AGBL1: variants seen among roughly 807,000 people sequenced by gnomAD.
AGBL1 encodes AGBL carboxypeptidase 1.
A neutral mutation model predicts 118.9 loss-of-function variants in AGBL1; 130 were observed. The ratio of observed to expected loss-of-function variants is 1.09; its 90% CI spans 0.95 to 1.26. AGBL1 has a LOEUF of 1.26. Among genes scored for constraint, AGBL1 ranks in the 50% most tolerant of loss-of-function variants. The pLI is 0.00. For synonymous variants in AGBL1, 555 were observed against 478.9 expected (o/e 1.16, Z -2.08); for missense variants, 1,584 against 1,298.1 (o/e 1.22, Z -3.38).
chr15:86,281,456 C>T (rs757449939), intron 16 of AGBL1, among the ~76,000 whole-genome samples: 3 of 152,198 alleles, frequency 2.0e-5, no homozygotes, highest in Non-Finnish European at 4.4e-5. Flanking sequence ...TTTTAAAATA[C>T]GTGTTATGTG....
chr15:86,347,304 C>T (rs996834074), intron 17 of AGBL1, among the ~76,000 whole-genome samples: 1 of 152,164 alleles, frequency 6.6e-6, no homozygotes, highest in South Asian at 2.1e-4. Context: ...TAGAAAGTCC[C>T]AGGTGGCAAT....
chr15:86,950,802 T>C (rs534364806), intron 23 of AGBL1, among the ~76,000 whole-genome samples: 4 of 152,114 alleles, frequency 2.6e-5, no homozygotes, highest in African/African-American at 9.6e-5. Flanking sequence ...GTCAAAATGG[T>C]TAATCAATAC....
intron 5 of AGBL1, among the ~76,000 whole-genome samples, chr15:86,186,415 C>CGT (rs1412177102): frequency 4.6e-5 from 7 of 152,222 alleles, no homozygotes; most frequent in Admixed American, 4.6e-4. Context: ...CATTCCAACA[C>CGT]AAGTCTCTGG....
chr15:86,269,406 G>T (rs929215424), intron 13 of AGBL1, among the ~76,000 whole-genome samples: 1 of 152,136 alleles, frequency 6.6e-6, no homozygotes, highest in Non-Finnish European at 1.5e-5. Flanking sequence ...AACCAGATGT[G>T]ATTGAATTTT....
chr15:86,712,386 A>T (rs2086574586), intron 22 of AGBL1, among the ~76,000 whole-genome samples: 1 of 150,210 alleles, frequency 6.7e-6, no homozygotes. Flanking sequence ...TTAATTTACC[A>T]CTGACATTAA....
intron 23 of AGBL1, among the ~76,000 whole-genome samples, chr15:86,921,548 A>G (rs1231104974): frequency 6.6e-6 from 1 of 152,154 alleles, no homozygotes; most frequent in Non-Finnish European, 1.5e-5. Flanking sequence ...AAGGCCAGCT[A>G]GGTGTCTGGA....
intron 22 of AGBL1, among the ~76,000 whole-genome samples, chr15:86,701,361 T>C (rs1359717844): frequency 6.6e-6 from 1 of 152,062 alleles, no homozygotes; most frequent in African/African-American, 2.4e-5. Flanking sequence ...GTGTTCATAA[T>C]TCTGAAGCTA....
intron 5 of AGBL1, among the ~76,000 whole-genome samples, chr15:86,216,072 T>A (rs898054445): frequency 3.3e-5 from 5 of 152,232 alleles, no homozygotes; most frequent in African/African-American, 7.2e-5. Flanking sequence ...TGTATAGAGA[T>A]ACAATTGACG....
intron 21 of AGBL1, among the ~76,000 whole-genome samples, chr15:86,668,696 C>G (rs1255359019): frequency 1.3e-5 from 2 of 152,098 alleles, no homozygotes; most frequent in African/African-American, 4.8e-5. Context: ...TCACTTATAA[C>G]TTGGTTTTGT....
intron 18 of AGBL1, among the ~76,000 whole-genome samples, chr15:86,403,626 C>T (rs1364219853): frequency 6.6e-6 from 1 of 152,126 alleles, no homozygotes; most frequent in African/African-American, 2.4e-5. Context: ...AAGCTAGTTC[C>T]TTTACATATA....
intron 22 of AGBL1, among the ~76,000 whole-genome samples, chr15:86,722,405 G>C (rs1207589331): frequency 6.6e-6 from 1 of 152,154 alleles, no homozygotes; most frequent in African/African-American, 2.4e-5. Context: ...AAGCAATGGG[G>C]AAAGGATTCC....
At chr15:86,218,494 A>T (rs1481941548) in intron 5 of AGBL1, among the ~76,000 whole-genome samples, 2 of 152,124 alleles carry the variant, frequency 1.3e-5, no homozygotes, top group East Asian at 3.9e-4. Context: ...CCTTTATGTT[A>T]TTTCCTGCCT....
In AGBL1 at chr15:86,564,246, C is replaced by T. The variant is rs1162098674; in HGVS notation, c.2994+9709C>T. On this transcript the variant is annotated intron_variant, in intron 21 of 22. Coordinates refer to ENST00000614907, the MANE Select transcript of AGBL1 (RefSeq NM_001386094.1). ...AGCATCGATGGTCTTTACAATTTGG[C>T]ACGTTTTTGCAGTGGCTGGTACTGG... Among the ~76,000 whole-genome samples, 4 of 152,164 alleles carry T rather than the reference C, an allele frequency of 2.6e-5. No homozygotes were observed. The East Asian group carries it at 7.7e-4, about 29-fold the overall frequency.
chr15:86,158,235 G>A (rs1449408193), intron 4 of AGBL1, among the ~76,000 whole-genome samples: 1 of 152,196 alleles, frequency 6.6e-6, no homozygotes, highest in African/African-American at 2.4e-5. Flanking sequence ...AAAGACTGTA[G>A]TGAGATGAGG....
Position 86,264,243 on chromosome 15 carries a change from A to C in AGBL1, c.1087-15A>C. Reference sequence around the variant, plus strand: ...AGGACACACTAACATATTGTATTCCATTTTGAACCTGAAGGAACTGCAGTC... The same window carrying C: ...AGGACACACTAACATATTGTATTCCCTTTTGAACCTGAAGGAACTGCAGTC... On this transcript the variant is annotated splice_polypyrimidine_tract_variant and intron_variant, in intron 10 of 22. Transcript: ENST00000614907. The C allele has an allele frequency of 1.3e-6, 2 of 1,551,172 alleles. No homozygotes were observed. The highest frequency in any genetic ancestry group is 1.7e-6 in the Non-Finnish European group (2 of 1,145,614).
chr15:86,129,651 T>C (rs748085331), intron 1 of AGBL1, among the ~76,000 whole-genome samples: 29 of 152,206 alleles, frequency 1.9e-4, no homozygotes, highest in South Asian at 4.1e-4. Flanking sequence ...GGGGTGGTTA[T>C]GCTACTTGTC....
chr15:86,107,947 T>C (rs1158815227), intron 1 of AGBL1, among the ~76,000 whole-genome samples: 1 of 152,150 alleles, frequency 6.6e-6, no homozygotes, highest in Non-Finnish European at 1.5e-5. Context: ...TCTCTTAAAA[T>C]AGAGTAAGAA....
chr15:86,762,410 A>C (rs544396112), intron 22 of AGBL1, among the ~76,000 whole-genome samples: 26 of 152,158 alleles, frequency 1.7e-4, no homozygotes, highest in Non-Finnish European at 3.4e-4. Flanking sequence ...GCAAAAGATG[A>C]GCGTCCTAAC....
chr15:86,964,729 C>T (rs1160912088), intron 23 of AGBL1, among the ~76,000 whole-genome samples: 2 of 151,196 alleles, frequency 1.3e-5, no homozygotes, highest in African/African-American at 2.4e-5. Flanking sequence ...TGGTGTTTTG[C>T]TGCACCCATC....
Sources: gnomAD v4.1 joint callset for allele counts (sites outside exome capture counted in the v4.1 genomes callset) on GRCh38, gnomAD v4.1.1 for gene constraint, MANE v1.5 for transcripts, NCBI Gene and HGNC (gene_info 2026-07-23, HGNC 2026-07-21) for gene names.